Variants in RHOBTB1 observed in about 807,000 individuals in gnomAD.
RHOBTB1 encodes the protein Rho related BTB domain containing 1, also known as rho-related BTB domain-containing protein 1.
In RHOBTB1, 40 loss-of-function variants were observed where a neutral mutation model predicts 71.6. The ratio of observed to expected loss-of-function variants is 0.56; its 90% CI spans 0.43 to 0.73. The LOEUF is 0.73. RHOBTB1 is among the 30% of genes least tolerant of loss of function. The pLI is 0.00. For synonymous variants in RHOBTB1, 319 were observed against 334.9 expected, an observed-to-expected ratio of 0.95 and a Z score of 0.52; for missense variants, 797 against 894.0, an observed-to-expected ratio of 0.89 and a Z score of 1.38.
intron 4 of RHOBTB1, among the ~76,000 whole-genome samples, chr10:60,903,613 C>A (rs1014579522): frequency 6.6e-6 from 1 of 151,944 alleles, no homozygotes; most frequent in South Asian, 2.1e-4. Context: ...TCTGGTGAAA[C>A]GTTTCTTGCT....
intron 2 of RHOBTB1, among the ~76,000 whole-genome samples, chr10:60,932,356 G>A (rs921493034): frequency 1.3e-5 from 2 of 151,984 alleles, no homozygotes; most frequent in East Asian, 1.9e-4. Flanking sequence ...TGAGGGTGGA[G>A]TGGGGTGGTG....
intron 2 of RHOBTB1, among the ~76,000 whole-genome samples, chr10:60,922,147 A>C (rs1341233463): frequency 6.6e-6 from 1 of 152,198 alleles, no homozygotes; most frequent in African/African-American, 2.4e-5. Context: ...TAAACATCCT[A>C]ATTCAAGGGA....
chr10:60,888,693 C>T lies in RHOBTB1; in HGVS notation c.975G>A (p.Leu325=), dbSNP rs2081739715. 6.2e-6 allele frequency: 10 copies of T among 1,614,092 alleles called. No homozygotes were observed. The East Asian group carries it at 1.8e-4, about 29-fold the overall frequency. ...CCCTTTCTTCCTCTGGGTCGACACT[C>T]AATATCCGCCCCTGGAAATCTCTGC... is the stretch of plus-strand genomic sequence containing the variant. ...KQSRDFQGRI[L]SVDPEEEREE... Residue 325 remains leucine, a synonymous_variant, in exon 6 of 11, where the codon TTG becomes TTA. Coordinates refer to ENST00000337910, the MANE Select transcript of RHOBTB1 (RefSeq NM_014836.5).
intron 1 of RHOBTB1, among the ~76,000 whole-genome samples, chr10:60,997,064 TACACAC>T (rs3049452): frequency 0.022 from 3,199 of 144,894 alleles, 67 homozygotes; most frequent in African/African-American, 0.066. Context: ...CATGGTTATG[TACACAC>T]ACACACACAC....
intron 7 of RHOBTB1, among the ~76,000 whole-genome samples, chr10:60,878,794 G>A (rs751457036): frequency 6.6e-6 from 1 of 152,218 alleles, no homozygotes; most frequent in Non-Finnish European, 1.5e-5. Context: ...GAGTTCGCCA[G>A]AGAGCCAGGC....
At chr10:60,893,966 G>A (rs896807391) in intron 4 of RHOBTB1, among the ~76,000 whole-genome samples, 6 of 152,114 alleles carry the variant, frequency 3.9e-5, no homozygotes, top group African/African-American at 9.7e-5. Flanking sequence ...GAAAAGTTAC[G>A]CCCAAGGATT....
intron 4 of RHOBTB1, among the ~76,000 whole-genome samples, chr10:60,902,580 C>T (rs943211479): frequency 6.6e-6 from 1 of 152,102 alleles, no homozygotes; most frequent in African/African-American, 2.4e-5. Context: ...AAAAAATTTA[C>T]AAGTCCAAAA....
chr10:60,955,043 C>CTTTTTTTTTTTTTTT (rs34012455), intron 2 of RHOBTB1, among the ~76,000 whole-genome samples: 1 of 112,838 alleles, frequency 8.9e-6, no homozygotes, highest in Non-Finnish European at 1.8e-5. Flanking sequence ...TTCTTTCTTT[C>CTTTTTTTTTTTTTTT]TTTTTTTTTT....
intron 2 of RHOBTB1, among the ~76,000 whole-genome samples, chr10:60,933,632 C>T (rs956951754): frequency 2.0e-5 from 3 of 151,092 alleles, no homozygotes; most frequent in South Asian, 4.2e-4. Context: ...AGGCAGGAGG[C>T]GGAGGTTGCA....
intron 2 of RHOBTB1, among the ~76,000 whole-genome samples, chr10:60,966,187 T>C (rs1477448977): frequency 2.6e-5 from 4 of 152,108 alleles, no homozygotes; most frequent in Non-Finnish European, 5.9e-5. Flanking sequence ...AAACTTTTAA[T>C]ATTAGTTTTC....
chr10:60,951,783 G>A (rs2085416812), intron 2 of RHOBTB1, among the ~76,000 whole-genome samples: 1 of 152,182 alleles, frequency 6.6e-6, no homozygotes, highest in African/African-American at 2.4e-5. Flanking sequence ...TGTTAATAAT[G>A]GTAAATGGTT....
At chr10:60,867,777 AGC>A (rs1253015799), downstream of RHOBTB1, among the ~76,000 whole-genome samples, 1 of 152,222 alleles carries the variant, frequency 6.6e-6, no homozygotes, top group Non-Finnish European at 1.5e-5. Context: ...CAAGGGATAT[AGC>A]ATTACTTCTA....
intron 2 of RHOBTB1, among the ~76,000 whole-genome samples, chr10:60,979,769 G>A (rs1186490414): frequency 6.6e-6 from 1 of 152,206 alleles, no homozygotes; most frequent in East Asian, 1.9e-4. Flanking sequence ...ACTAGGAAGT[G>A]TGGGAAGAGA....
At chr10:60,893,248 G>A (rs1166939505) in intron 4 of RHOBTB1, among the ~76,000 whole-genome samples, 1 of 152,126 alleles carries the variant, frequency 6.6e-6, no homozygotes, top group Non-Finnish European at 1.5e-5. Context: ...CGTTTCCGAT[G>A]AAGTTATTTT....
At chr10:60,862,916 C>G in the RHOBTB1 span, among the ~76,000 whole-genome samples, 3 of 124,826 alleles carry the variant, frequency 2.4e-5, no homozygotes, top group Non-Finnish European at 4.8e-5. Context: ...TCTCCTCTTT[C>G]TTTTCTTCTT....
At chr10:61,000,552 T>G (rs1390582791) in intron 1 of RHOBTB1, among the ~76,000 whole-genome samples, 1 of 152,184 alleles carries the variant, frequency 6.6e-6, no homozygotes, top group Non-Finnish European at 1.5e-5. Context: ...ATTCTAACAA[T>G]GCCACACCTG....
intron 4 of RHOBTB1, 109 bp downstream of exon 4, chr10:60,910,778 C>A: frequency 1.3e-6 from 1 of 752,142 alleles, no homozygotes; most frequent in South Asian, 1.6e-5. Flanking sequence ...CAGAACCCAG[C>A]ACATTTCAAG....
chr10:60,963,825 T>C (rs1465796800), intron 2 of RHOBTB1, among the ~76,000 whole-genome samples: 1 of 152,182 alleles, frequency 6.6e-6, no homozygotes, highest in Non-Finnish European at 1.5e-5. Context: ...GTTCCACACA[T>C]TACCAACGAT....
intron 2 of RHOBTB1, among the ~76,000 whole-genome samples, chr10:60,949,631 G>A (rs959241509): frequency 7.1e-6 from 1 of 141,508 alleles, no homozygotes; most frequent in Non-Finnish European, 1.5e-5. Flanking sequence ...GTCCAGTTAT[G>A]ACTGTTGGTA....
Sources: gnomAD v4.1 joint callset for allele counts (sites outside exome capture counted in the v4.1 genomes callset) on GRCh38, gnomAD v4.1.1 for gene constraint, MANE v1.5 for transcripts, NCBI Gene and HGNC (gene_info 2026-07-23, HGNC 2026-07-21) for gene names.